Variants in URGCP observed in about 807,000 individuals in gnomAD.
The protein encoded by URGCP is upregulator of cell proliferation.
Under a neutral mutation model 24.6 loss-of-function variants are expected in URGCP, and 13 were observed. The ratio of observed to expected loss-of-function variants is 0.53; its 90% CI spans 0.34 to 0.84. The LOEUF is 0.84. Ranked by LOEUF, URGCP falls within the 40% of genes least tolerant of loss-of-function variation. The pLI is 0.01. For synonymous variants in URGCP, 444 were observed against 487.2 expected, an observed-to-expected ratio of 0.91 and a Z score of 1.17; for missense variants, 899 against 1,194.3, an observed-to-expected ratio of 0.75 and a Z score of 3.64.
In URGCP at chr7:43,877,872, G is replaced by A. The variant is rs375761329; in HGVS notation, c.1591C>T (p.Arg531Trp). 2.1e-4 allele frequency: 343 copies of A among 1,612,314 alleles called. No individual in the cohort carries two copies. Among genetic ancestry groups the A allele is most frequent in the East Asian group, 3.1e-4 (14 of 44,844 alleles). The change falls in exon 6 of 6, where the codon CGG (arginine) becomes TGG (tryptophan). Residue 531 changes from arginine (R) to tryptophan (W), a missense_variant. Physicochemically the swap from Arg to Trp is moderately radical, Grantham distance 101 (BLOSUM62 -3). Transcript: ENST00000453200. ...PEKHRAELRR[R>W]LLELRMQQNG... ...TGCTGCATTCGAAGTTCTAGCAGCC[G>A]CCGCCTCAGCTCAGCCCTGTGCTTC...
At chr7:43,893,588 A>T (rs1422797197) in intron 1 of URGCP, among the ~76,000 whole-genome samples, 3 of 152,008 alleles carry the variant, frequency 2.0e-5, no homozygotes, top group Non-Finnish European at 4.4e-5. Flanking sequence ...AAGGACAAAA[A>T]GGCTGGGTGC....
rs1467714971 is a variant in URGCP, at chr7:43,876,937, A to G, written c.2526T>C (p.Pro842=). 6.2e-7 allele frequency: 1 copy of G among 1,614,114 alleles called. No individual in the cohort carries two copies. The highest frequency in any genetic ancestry group is 1.7e-5 in the Admixed American group (1 of 60,026). Residue 842 remains proline (P), a synonymous_variant, in exon 6 of 6, where the codon CCT becomes CCC. Transcript: ENST00000453200. ...PRDKRQLLDP[P]GDLSRAAAQM... ...GGGCTGCAGCCCTGCTCAGGTCACC[A>G]GGTGGATCCAGGAGCTGTCTCTTGT...
At chr7:43,924,165 T>G (rs1386270213) in intron 1 of URGCP, among the ~76,000 whole-genome samples, 1 of 152,212 alleles carries the variant, frequency 6.6e-6, no homozygotes, top group Non-Finnish European at 1.5e-5. Context: ...CCACTGCACC[T>G]GACCAATTGT....
intron 1 of URGCP, among the ~76,000 whole-genome samples, chr7:43,894,743 C>A (rs2095875899): frequency 6.6e-6 from 1 of 152,102 alleles, no homozygotes; most frequent in South Asian, 2.1e-4. Flanking sequence ...AATGAGAACT[C>A]TTGAGGCCAG....
At chr7:43,915,430 A>G (rs1166051981) in intron 1 of URGCP, among the ~76,000 whole-genome samples, 1 of 152,112 alleles carries the variant, frequency 6.6e-6, no homozygotes, top group Non-Finnish European at 1.5e-5. Context: ...CCTTGGTCCA[A>G]CTCAGCCTTT....
In URGCP at chr7:43,876,884, CG is replaced by C; in HGVS notation, c.2578del (p.Arg860GlyfsTer32). ...GCAGAAGGCCAGGCCTGCCAGTGCC[CG>C]GAAGCCGTCGCCCTGTTTCTCCATC... The part of the protein sequence containing the change: ...AQMEKQGDGF[R>X]ALAGLAFCDP... On this transcript the variant is annotated frameshift_variant, in exon 6 of 6. Coordinates refer to ENST00000453200, the MANE Select transcript of URGCP (RefSeq NM_001077663.3). LOFTEE classifies it high-confidence loss of function. 6.2e-7 allele frequency: 1 copy of C among 1,613,992 alleles called. No homozygotes were observed. The highest frequency in any genetic ancestry group is 8.5e-7 in the Non-Finnish European group (1 of 1,180,014).
At chr7:43,924,801 T>G (rs2095926854) in intron 1 of URGCP, among the ~76,000 whole-genome samples, 1 of 152,200 alleles carries the variant, frequency 6.6e-6, no homozygotes, top group Non-Finnish European at 1.5e-5. Context: ...AGACAGGGTC[T>G]TGCTTTGTCT....
chr7:43,898,700 G>A (rs774685530), intron 1 of URGCP, among the ~76,000 whole-genome samples: 1 of 151,904 alleles, frequency 6.6e-6, no homozygotes, highest in African/African-American at 2.4e-5. Context: ...GTTTGAGGCT[G>A]CAGTACACAG....
At chr7:43,894,551 G>A (rs184054869) in intron 1 of URGCP, among the ~76,000 whole-genome samples, 64 of 151,852 alleles carry the variant, frequency 4.2e-4, no homozygotes, top group Non-Finnish European at 7.2e-4. Flanking sequence ...TTTAGAGATG[G>A]GGTTTTGCTA....
intron 1 of URGCP, among the ~76,000 whole-genome samples, chr7:43,920,891 G>A (rs1419232891): frequency 6.6e-6 from 1 of 152,184 alleles, no homozygotes; most frequent in East Asian, 1.9e-4. Context: ...AAAACTGCAT[G>A]CTTTCCTAGC....
intron 1 of URGCP, among the ~76,000 whole-genome samples, chr7:43,893,769 G>A (rs908127385): frequency 1.3e-5 from 2 of 152,220 alleles, no homozygotes; most frequent in Non-Finnish European, 2.9e-5. Flanking sequence ...TACTTGGGAG[G>A]CCGAGGCAGG....
At chr7:43,909,367 A>G (rs1459212937), upstream of URGCP, among the ~76,000 whole-genome samples, 1 of 152,236 alleles carries the variant, frequency 6.6e-6, no homozygotes, top group Non-Finnish European at 1.5e-5. Context: ...TGATAGTCCT[A>G]GTTTTCCAAA....
chr7:43,894,172 T>A (rs532864815), intron 1 of URGCP, among the ~76,000 whole-genome samples: 37 of 152,274 alleles, frequency 2.4e-4, no homozygotes, highest in Non-Finnish European at 4.7e-4. Context: ...GCAAATCACC[T>A]AGGCAGAAAA....
At chr7:43,887,375 A>G in intron 3 of URGCP, 40 bp downstream of exon 3, 2 of 1,610,040 alleles carry the variant, frequency 1.2e-6, no homozygotes, top group Admixed American at 1.7e-5. Flanking sequence ...GAAGTACTTC[A>G]GCTCCAGAGT....
rs2095845073 is a variant in URGCP, at chr7:43,876,775, A to G, written c.2688T>C (p.Ser896=). ...PPMAAVSLAY[S]EAIFELKRCL... is the part of the protein sequence containing the mutation. ...ATCTCTTCAATTCAAATATGGCTTC[A>G]CTGTAGGCCAAGCTCACTGCGGCCA... The change falls in exon 6 of 6, where the codon AGT becomes AGC. Residue 896 remains serine, a synonymous_variant. Transcript: ENST00000453200. 10 of 1,614,034 alleles carry G rather than the reference A, an allele frequency of 6.2e-6. No homozygotes were observed. Among genetic ancestry groups the G allele is most frequent in the Non-Finnish European group, 8.5e-6 (10 of 1,180,030 alleles).
intron 3 of URGCP, among the ~76,000 whole-genome samples, chr7:43,883,360 ATATT>A (rs1481734485): frequency 3.1e-5 from 3 of 98,228 alleles, no homozygotes; most frequent in Non-Finnish European, 5.5e-5. Flanking sequence ...ATATATATAT[ATATT>A]TTTTTTTTTT....
In URGCP at chr7:43,878,915, G is replaced by A; in HGVS notation, c.548C>T (p.Pro183Leu). Residue 183 changes from proline (P) to leucine (L), a missense_variant, in exon 6 of 6, where the codon CCC becomes CTC. Transcript: ENST00000453200. The surrounding 1 kb of genome is among the most constrained non-coding windows in gnomAD (Gnocchi z 5.6). ...ELPTPDTPVN[P>L]LDLLCALLLS... ...CAGCAGGGCACAGAGAAGGTCTAAG[G>A]GGTTCACTGGCGTATCAGGGGTGGG... 1 of 1,614,210 alleles carries A rather than the reference G, an allele frequency of 6.2e-7. No individual in the cohort carries two copies. The highest frequency in any genetic ancestry group is 8.5e-7 in the Non-Finnish European group (1 of 1,180,038).
rs145268760 is a variant in URGCP, at chr7:43,888,154, G to C, written c.15-338C>G. On this transcript the variant is annotated intron_variant, in intron 1 of 5. Transcript: ENST00000453200. ...CTGAAGTTAACACTGTGGTCTGGAA[G>C]GGGTGATCCTGAATTATTTTAAATA... 425 of 204,324 alleles carry C rather than the reference G, an allele frequency of 2.1e-3. 2 individuals carry two copies. The highest frequency in any genetic ancestry group is 9.1e-3 in the African/African-American group (392 of 43,164). 12.7% of individuals were successfully genotyped at this position (204,324 alleles called of 1,614,324 possible). A position where few individuals can be genotyped will look rare whatever the true frequency, so the allele number is the denominator to read the frequency against.
chr7:43,921,081 C>T (rs954692156), intron 1 of URGCP, among the ~76,000 whole-genome samples: 6 of 152,204 alleles, frequency 3.9e-5, no homozygotes, highest in Non-Finnish European at 8.8e-5. Context: ...AATCCCAGCA[C>T]TTTGCAAAAC....
Sources: gnomAD v4.1 joint callset for allele counts (sites outside exome capture counted in the v4.1 genomes callset) on GRCh38, gnomAD v4.1.1 for gene constraint, Gnocchi (gnomAD v3.1) non-coding constraint, MANE v1.5 for transcripts, NCBI Gene and HGNC (gene_info 2026-07-23, HGNC 2026-07-21) for gene names.